The following VILL variants were observed in gnomAD, a reference collection of about 807,000 sequenced individuals.
VILL encodes the protein villin-like protein.
VILL carries 102 observed loss-of-function variants against 106.3 expected under a neutral mutation model. The observed-to-expected ratio is 0.96, with a 90% CI of 0.82 to 1.13. VILL has a LOEUF of 1.13. Ranked by LOEUF, VILL falls within the 50% of genes most tolerant of loss-of-function variation. The pLI, the probability that VILL is intolerant of heterozygous loss-of-function variation, is 0.00. For synonymous variants in VILL, 431 were observed against 440.3 expected (o/e 0.98, Z 0.27); for missense variants, 1,076 against 1,116.6 (o/e 0.96, Z 0.52).
Position 37,993,677 on chromosome 3 carries a change from A to ACAT in VILL, c.8_10dup (p.Ile3dup). ...CATATTCCTGCCTGGCCTGCGATGGACATCAGCAAGGGCCTCCCAGGCATG... is the reference window on the plus strand; with the variant it reads ...CATATTCCTGCCTGGCCTGCGATGGACATCATCAGCAAGGGCCTCCCAGGCATG... On this transcript the variant is annotated inframe_insertion, in exon 2 of 20. Transcript: ENST00000383759. 6.2e-7 allele frequency: 1 copy of ACAT among 1,613,974 alleles called. No homozygotes were observed. The highest frequency in any genetic ancestry group is 8.5e-7 in the Non-Finnish European group (1 of 1,179,908).
rs532892627 is a variant in VILL at position 38,002,587 on chromosome 3, A to T, written c.1659+12A>T. On this transcript the variant is annotated intron_variant, in intron 14 of 19. Transcript: ENST00000383759. ...TCTGGTTTGGGAAGGTACCCACAGC[A>T]CTGACCACTTGATTCATGCCCAGAT... 3 of 1,608,966 alleles carry T rather than the reference A, an allele frequency of 1.9e-6. No homozygotes were observed. Among genetic ancestry groups the T allele is most frequent in the Non-Finnish European group, 2.5e-6 (3 of 1,177,058 alleles).
At chr3:38,000,642 C>T (rs568467555) in intron 11 of VILL, among the ~76,000 whole-genome samples, 80 of 152,202 alleles carry the variant, frequency 5.3e-4, no homozygotes, top group Non-Finnish European at 9.6e-4. Flanking sequence ...AGGCAGTGGA[C>T]AGGCAGGCAG....
At chr3:37,989,775 C>A (rs543021207), upstream of VILL, among the ~76,000 whole-genome samples, 3 of 152,284 alleles carry the variant, frequency 2.0e-5, no homozygotes, top group Admixed American at 2.0e-4. Flanking sequence ...GATACAGGCA[C>A]ACACATGAGG....
At position 38,004,277 on chromosome 3, in the gene VILL, T is replaced by TTCCAGCCACGACTGTTTGAGTGC. The variant is rs1205639574; in HGVS notation, c.1838_1860dup (p.Met621AspfsTer61). On this transcript the variant is annotated frameshift_variant, in exon 16 of 20. Coordinates refer to ENST00000383759, the MANE Select transcript of VILL (RefSeq NM_015873.4). LOFTEE classifies it high-confidence loss of function. ...CAGGCTCCCTGAGGAGGTCCCCAGC[T>TTCCAGCCACGACTGTTTGAGTGC]TCCAGCCACGACTGTTTGAGTGCTC... 1 of 1,612,784 alleles carries TTCCAGCCACGACTGTTTGAGTGC rather than the reference T, an allele frequency of 6.2e-7. No individual in the cohort carries two copies. The highest frequency in any genetic ancestry group is 2.2e-5 in the East Asian group (1 of 44,830).
Position 37,997,837 on chromosome 3 carries a change from C to A in VILL, c.764+152C>A. On this transcript the variant is annotated intron_variant, in intron 7 of 19. Coordinates refer to ENST00000383759, the MANE Select transcript of VILL (RefSeq NM_015873.4). The surrounding 1 kb of genome is among the most constrained non-coding windows in gnomAD (Gnocchi z 4.7). ...ATGTGGACCGTGGGTCCAGCCTGTA[C>A]TCTTCCATGGCATGTGGCTGCCTTG... 1 of 947,136 alleles carries A rather than the reference C, an allele frequency of 1.1e-6. No individual in the cohort carries two copies. The highest frequency in any genetic ancestry group is 1.5e-6 in the Non-Finnish European group (1 of 646,068). 58.7% of individuals were successfully genotyped at this position (947,136 alleles called of 1,614,324 possible). A position where few individuals can be genotyped will look rare whatever the true frequency, so the allele number is the denominator to read the frequency against.
chr3:38,002,115 C>A, intron 13 of VILL: 1 of 662,678 alleles, frequency 1.5e-6, no homozygotes, highest in Non-Finnish European at 2.5e-6. Context: ...CACTAGCAAA[C>A]CTGGTCCCCA....
Position 38,002,552 on chromosome 3 carries a change from G to A in VILL, c.1636G>A (p.Val546Ile), listed in dbSNP as rs574004759. 39 of 1,613,832 alleles carry A rather than the reference G, an allele frequency of 2.4e-5. No homozygotes were observed. Among genetic ancestry groups the A allele is most frequent in the Admixed American group, 1.2e-4 (7 of 60,006 alleles). ...SDIFLLVTASVCYLWFGKGCN... is the reference protein window; with the variant it reads ...SDIFLLVTASICYLWFGKGCN... ...CATCTTCTTGCTGGTCACAGCCAGC[G>A]TCTGCTACCTCTGGTTTGGGAAGGT... The change falls in exon 14 of 20, where the codon GTC (valine) becomes ATC (isoleucine). Residue 546 changes from valine to isoleucine, a missense_variant. Physicochemically the swap from Val to Ile is conservative, Grantham distance 29. Transcript: ENST00000383759.
At chr3:38,000,977 G>A (rs1397685946) in intron 11 of VILL, 1 of 457,652 alleles carries the variant, frequency 2.2e-6, no homozygotes, top group Admixed American at 2.3e-5. Context: ...CCACCCACAG[G>A]AAGAAGAAAC....
chr3:38,007,041 C>G lies in VILL; in HGVS notation c.2557C>G (p.Leu853Val). The G allele has an allele frequency of 6.2e-7, 1 of 1,614,032 alleles. No individual in the cohort carries two copies. The highest frequency in any genetic ancestry group is 8.5e-7 in the Non-Finnish European group (1 of 1,179,918). Reference protein sequence around the residue: ...TWRQRQEKKQLGFF With the variant: ...TWRQRQEKKQVGFF ...GAGGCAGCGGCAGGAGAAAAAGCAG[C>G]TGGGCTTCTTCTGAACCCAAGCCCT... The change falls in exon 20 of 20, where the codon CTG becomes GTG. Residue 853 changes from leucine (L) to valine (V), a missense_variant. By Grantham distance (32) the Leu-to-Val change is conservative. Coordinates refer to ENST00000383759, the MANE Select transcript of VILL (RefSeq NM_015873.4).
chr3:37,996,712 T>G (rs1294039682), intron 5 of VILL, among the ~76,000 whole-genome samples: 3 of 152,208 alleles, frequency 2.0e-5, no homozygotes, highest in Non-Finnish European at 4.4e-5. Context: ...CCTTTTACTC[T>G]CAAAAGTGTG....
At chr3:38,000,453 A>G in intron 11 of VILL, among the ~76,000 whole-genome samples, 1 of 151,040 alleles carries the variant, frequency 6.6e-6, no homozygotes, top group Non-Finnish European at 1.5e-5. Flanking sequence ...GCAGGGAGAG[A>G]GGGGGTACAG....
intron 13 of VILL, 138 bp downstream of exon 13, chr3:38,001,998 G>A: frequency 5.7e-6 from 8 of 1,402,766 alleles, no homozygotes; most frequent in Non-Finnish European, 7.8e-6. Flanking sequence ...CTTGTCCAAG[G>A]CCCAGGAGCT....
At chr3:37,989,890 C>G (rs1218008604), upstream of VILL, among the ~76,000 whole-genome samples, 1 of 152,240 alleles carries the variant, frequency 6.6e-6, no homozygotes, top group South Asian at 2.1e-4. Flanking sequence ...CAGTCACACA[C>G]TAGCTGTAGG....
At chr3:38,004,102 C>A in intron 15 of VILL, 153 bp from the exon 16 acceptor site, 2 of 967,796 alleles carry the variant, frequency 2.1e-6, no homozygotes, top group Non-Finnish European at 3.0e-6. Flanking sequence ...CAGAGCAGAG[C>A]GGAGTGCTCG....
chr3:37,991,416 G>A (rs926130483), intron 1 of VILL, among the ~76,000 whole-genome samples: 2 of 151,216 alleles, frequency 1.3e-5, no homozygotes, highest in African/African-American at 2.4e-5. Context: ...GAGGGGTGTA[G>A]GGGAAGACAG....
At chr3:37,999,160 G>T in intron 10 of VILL, 110 bp downstream of exon 10, 1 of 1,095,378 alleles carries the variant, frequency 9.1e-7, no homozygotes, top group South Asian at 1.8e-5. Flanking sequence ...CGGGGCCGGA[G>T]GGGGCGGGGC....
intron 4 of VILL, among the ~76,000 whole-genome samples, chr3:37,995,379 G>A (rs1213683433): frequency 6.6e-6 from 1 of 152,202 alleles, no homozygotes; most frequent in Non-Finnish European, 1.5e-5. Context: ...ATGGACATGT[G>A]TGAATATCCA....
chr3:37,995,048 T>C (rs1699676076), intron 4 of VILL, among the ~76,000 whole-genome samples: 1 of 152,296 alleles, frequency 6.6e-6, no homozygotes, highest in Admixed American at 6.5e-5. Flanking sequence ...TCTGTTTTTA[T>C]GAACATTTGT....
chr3:37,995,344 C>T (rs1474952861), intron 4 of VILL, among the ~76,000 whole-genome samples: 2 of 152,154 alleles, frequency 1.3e-5, no homozygotes, highest in Non-Finnish European at 2.9e-5. Context: ...AAACACACAC[C>T]ACCCTCATGT....
Sources: gnomAD v4.1 joint callset for allele counts (sites outside exome capture counted in the v4.1 genomes callset) on GRCh38, gnomAD v4.1.1 for gene constraint, Gnocchi (gnomAD v3.1) non-coding constraint, MANE v1.5 for transcripts, NCBI Gene and HGNC (gene_info 2026-07-23, HGNC 2026-07-21) for gene names.